ALOXE3: variants seen among roughly 807,000 people sequenced by gnomAD.
The protein encoded by ALOXE3 is arachidonate epidermal lipoxygenase 3.
A neutral mutation model predicts 87.5 loss-of-function variants in ALOXE3; 78 were observed. The observed-to-expected ratio is 0.89, with a 90% confidence interval of 0.74 to 1.08. ALOXE3 has a LOEUF of 1.08. Among genes scored for constraint, ALOXE3 ranks in the 50% least tolerant of loss-of-function variants. The pLI is 0.00. For synonymous variants in ALOXE3, 363 were observed against 370.8 expected (o/e 0.98, Z 0.24); for missense variants, 946 against 912.4 (o/e 1.04, Z -0.47).
chr17:8,099,894 A>T (rs1978816011), intron 15 of ALOXE3, among the ~76,000 whole-genome samples: 1 of 151,872 alleles, frequency 6.6e-6, no homozygotes, highest in Non-Finnish European at 1.5e-5. Context: ...ATATAACAAG[A>T]CCCTGTCTCT....
chr17:8,097,362 T>G (rs565750804), intron 15 of ALOXE3, among the ~76,000 whole-genome samples: 1 of 152,168 alleles, frequency 6.6e-6, no homozygotes, highest in South Asian at 2.1e-4. Flanking sequence ...GAACCACACC[T>G]TTCATACAAC....
Position 8,118,096 on chromosome 17 carries a change from T to C in ALOXE3, c.-106A>G. ...AGGGCTGGGTTTCTGGGCGGAGGGC[T>C]AGGGGCTGCGGGGCTGGGTAGGGCT... On this transcript the variant is annotated 5_prime_UTR_variant, in exon 2 of 16. Coordinates refer to ENST00000448843, the MANE Select transcript of ALOXE3 (RefSeq NM_021628.3). 2 of 1,557,582 alleles carry C rather than the reference T, an allele frequency of 1.3e-6. No individual in the cohort carries two copies. Among genetic ancestry groups the C allele is most frequent in the South Asian group, 2.4e-5 (2 of 84,776 alleles).
chr17:8,111,404 C>T lies in ALOXE3; in HGVS notation c.912G>A (p.Val304=). 1 of 1,613,924 alleles carries T rather than the reference C, an allele frequency of 6.2e-7. No homozygotes were observed. The highest frequency in any genetic ancestry group is 1.1e-5 in the South Asian group (1 of 91,074). ...ATGTGTCCTGTCCCAGCAAGGGGGC[C>T]ACCATGTCATTGGTGACAGGCAGCT... ...PSKLPVTNDM[V]APLLGQDTCL... The change falls in exon 8 of 16, where the codon GTG becomes GTA. Residue 304 remains valine (V), a synonymous_variant. Coordinates refer to ENST00000448843, the MANE Select transcript of ALOXE3 (RefSeq NM_021628.3).
At chr17:8,103,573 C>T in intron 14 of ALOXE3, 80 bp from the exon 15 acceptor site, 2 of 1,471,400 alleles carry the variant, frequency 1.4e-6, no homozygotes, top group Non-Finnish European at 1.9e-6. Flanking sequence ...CTGATTCCAC[C>T]TCTGCCGTCC....
intron 15 of ALOXE3, among the ~76,000 whole-genome samples, chr17:8,100,689 G>A (rs1331165762): frequency 6.6e-6 from 1 of 152,090 alleles, no homozygotes; most frequent in Admixed American, 6.5e-5. Flanking sequence ...GCATGGTCAT[G>A]CACACTGCAG....
intron 15 of ALOXE3, among the ~76,000 whole-genome samples, chr17:8,102,684 C>A (rs1185605398): frequency 6.6e-6 from 1 of 152,198 alleles, no homozygotes; most frequent in African/African-American, 2.4e-5. Flanking sequence ...TCCTCTCTGT[C>A]CAACTCCTAC....
intron 13 of ALOXE3, 65 bp downstream of exon 13, chr17:8,108,403 A>C: frequency 6.3e-7 from 1 of 1,594,094 alleles, no homozygotes; most frequent in Non-Finnish European, 8.6e-7. Flanking sequence ...TGATGGGAGT[A>C]GGGTGTGGCC....
intron 4 of ALOXE3, among the ~76,000 whole-genome samples, chr17:8,115,349 T>G (rs569047121): frequency 6.6e-6 from 1 of 152,318 alleles, no homozygotes; most frequent in African/African-American, 2.4e-5. Context: ...TCAGGTCACT[T>G]CTGATATTGG....
intron 15 of ALOXE3, among the ~76,000 whole-genome samples, chr17:8,100,733 T>G (rs1019025889): frequency 1.7e-4 from 26 of 152,164 alleles, no homozygotes; most frequent in African/African-American, 6.3e-4. Flanking sequence ...ATCCTCTCTC[T>G]GCGGCCTCCT....
intron 15 of ALOXE3, among the ~76,000 whole-genome samples, chr17:8,102,861 G>A (rs1979011557): frequency 6.6e-6 from 1 of 152,110 alleles, no homozygotes; most frequent in South Asian, 2.1e-4. Flanking sequence ...GGTCACCACT[G>A]GTACTCAGGA....
chr17:8,113,545 C>T (rs1020327705), intron 6 of ALOXE3, among the ~76,000 whole-genome samples: 1 of 151,864 alleles, frequency 6.6e-6, no homozygotes, highest in Non-Finnish European at 1.5e-5. Flanking sequence ...CCCAGCTACT[C>T]GGGAGGCTGA....
chr17:8,118,679 C>A (rs1013042710), upstream of ALOXE3: 1 of 1,537,332 alleles, frequency 6.5e-7, no homozygotes, highest in Non-Finnish European at 8.7e-7. Flanking sequence ...TTGTCCCCAG[C>A]CTTTGGCACG....
intron 5 of ALOXE3, 43 bp downstream of exon 5, chr17:8,114,895 C>T: frequency 6.2e-7 from 1 of 1,613,364 alleles, no homozygotes; most frequent in South Asian, 1.1e-5. Context: ...ACAGACCTTC[C>T]ACTTGACTTC....
chr17:8,114,961 TGTC>T lies in ALOXE3; in HGVS notation c.528_530del (p.Thr178del). 6.8e-6 allele frequency: 11 copies of T among 1,614,146 alleles called. No individual in the cohort carries two copies. Among genetic ancestry groups the T allele is most frequent in the Non-Finnish European group, 9.3e-6 (11 of 1,180,036 alleles). On this transcript the variant is annotated inframe_deletion, in exon 5 of 16. Transcript: ENST00000448843. ...ACCTGTCACCCTGGTCTACACAAGT[TGTC>T]GTCTTTGTCAAGGCAAATTTCTTGT...
intron 15 of ALOXE3, 136 bp downstream of exon 15, chr17:8,103,187 A>C: frequency 1.0e-6 from 1 of 991,754 alleles, no homozygotes; most frequent in Non-Finnish European, 1.5e-6. Context: ...TTTTCTGAAG[A>C]AATTGAAGAA....
chr17:8,110,461 C>G lies in ALOXE3; in HGVS notation c.1025G>C (p.Arg342Pro), dbSNP rs1215480700. 1.2e-6 allele frequency: 2 copies of G among 1,613,486 alleles called. No homozygotes were observed. Among genetic ancestry groups the G allele is most frequent in the Non-Finnish European group, 1.7e-6 (2 of 1,179,686 alleles). ...AEAPTHCLNG[R>P]QQYVAAPLCL... ...CAGTGGGGCGGCCACGTACTGCTGG[C>G]GGCCGTTTAGGCAGTGGGTGGGGGC... Residue 342 changes from arginine (R) to proline (P), a missense_variant, in exon 9 of 16, where the codon CGC (arginine) becomes CCC (proline). Transcript: ENST00000448843.
chr17:8,115,602 C>T lies in ALOXE3; in HGVS notation c.434+5G>A. 6.2e-7 allele frequency: 1 copy of T among 1,611,726 alleles called. No homozygotes were observed. The highest frequency in any genetic ancestry group is 8.5e-7 in the Non-Finnish European group (1 of 1,177,744). ...GGGAAAGAAGTCAAATTAGGCCACCCTCACCGGTAGCATTCTTGTCGGGCC... is the reference window on the plus strand; with the variant it reads ...GGGAAAGAAGTCAAATTAGGCCACCTTCACCGGTAGCATTCTTGTCGGGCC... On this transcript the variant is annotated splice_donor_5th_base_variant and intron_variant, in intron 4 of 15. Transcript: ENST00000448843.
chr17:8,108,911 C>T (rs1979749933), intron 12 of ALOXE3, among the ~76,000 whole-genome samples: 2 of 152,136 alleles, frequency 1.3e-5, no homozygotes, highest in African/African-American at 4.8e-5. Context: ...CCAGCCCATG[C>T]TTAAATGATG....
chr17:8,108,823 G>A (rs1007845459), intron 12 of ALOXE3, among the ~76,000 whole-genome samples: 18 of 152,202 alleles, frequency 1.2e-4, no homozygotes, highest in Admixed American at 8.5e-4. Context: ...GGTGGGCAGG[G>A]GAGTGCACGA....
Sources: allele counts gnomAD v4.1 joint callset (sites outside exome capture counted in the v4.1 genomes callset), GRCh38; gene constraint gnomAD v4.1.1; transcripts MANE v1.5; gene names NCBI Gene and HGNC (gene_info 2026-07-23, HGNC 2026-07-21).